Variants in GTF2F2 observed in about 807,000 individuals in gnomAD.
The protein encoded by GTF2F2 is ATP-dependent helicase GTF2F2.
GTF2F2 carries 23 observed loss-of-function variants against 42.2 expected under a neutral mutation model. That is an observed-to-expected ratio of 0.55 (90% CI 0.39 to 0.77). GTF2F2 has a LOEUF of 0.77. Among genes scored for constraint, GTF2F2 ranks in the 30% least tolerant of loss-of-function variants. The probability of loss-of-function intolerance (pLI) is 0.00; values close to 1 mark genes in which losing one functional copy is unlikely to be tolerated. For synonymous variants in GTF2F2, 105 were observed against 100.8 expected (o/e 1.04, Z -0.25); for missense variants, 261 against 287.2 (o/e 0.91, Z 0.66).
At chr13:45,184,411 CA>C (rs1872319782) in intron 4 of GTF2F2, among the ~76,000 whole-genome samples, 1 of 144,568 alleles carries the variant, frequency 6.9e-6, no homozygotes, top group Admixed American at 6.7e-5. Context: ...TTTTTTGAGA[CA>C]GGGTCTTGCT....
intron 6 of GTF2F2, among the ~76,000 whole-genome samples, chr13:45,261,193 G>A (rs961115247): frequency 1.3e-5 from 2 of 152,116 alleles, no homozygotes; most frequent in African/African-American, 2.4e-5. Context: ...TTGGGAAGCC[G>A]CAGTGGGCGG....
chr13:45,203,534 A>T (rs995101392), intron 4 of GTF2F2, among the ~76,000 whole-genome samples: 1 of 152,124 alleles, frequency 6.6e-6, no homozygotes, highest in African/African-American at 2.4e-5. Flanking sequence ...ATTTGACAGT[A>T]TTGTGTTACA....
intron 5 of GTF2F2, among the ~76,000 whole-genome samples, chr13:45,213,285 T>A (rs1873768067): frequency 6.6e-6 from 1 of 152,084 alleles, no homozygotes; most frequent in Admixed American, 6.5e-5. Context: ...TTCACTGTGT[T>A]AGCCAGGATG....
At chr13:45,147,028 C>T (rs1019484044) in intron 2 of GTF2F2, among the ~76,000 whole-genome samples, 1 of 152,122 alleles carries the variant, frequency 6.6e-6, no homozygotes, top group African/African-American at 2.4e-5. Flanking sequence ...AGTATTAACT[C>T]ATCTAGAGCT....
At chr13:45,235,151 A>G (rs1412609542) in intron 5 of GTF2F2, among the ~76,000 whole-genome samples, 2 of 151,708 alleles carry the variant, frequency 1.3e-5, no homozygotes, top group African/African-American at 4.8e-5. Context: ...TACAGTAGTA[A>G]TTATTGTCAA....
chr13:45,128,495 C>T (rs1168468619), intron 1 of GTF2F2, among the ~76,000 whole-genome samples: 2 of 151,124 alleles, frequency 1.3e-5, no homozygotes, highest in Non-Finnish European at 2.9e-5. Flanking sequence ...ATCACTTGCA[C>T]CTGGGGGGCG....
At chr13:45,147,979 G>C (rs540410881) in intron 2 of GTF2F2, among the ~76,000 whole-genome samples, 1 of 152,106 alleles carries the variant, frequency 6.6e-6, no homozygotes, top group Admixed American at 6.5e-5. Flanking sequence ...TGTTTTATTT[G>C]TAGTTGTTTA....
intron 4 of GTF2F2, among the ~76,000 whole-genome samples, chr13:45,171,710 A>G (rs1871607280): frequency 2.6e-5 from 4 of 152,220 alleles, no homozygotes; most frequent in South Asian, 4.2e-4. Context: ...ACAGGTTTAG[A>G]TTTTCATCAT....
intron 5 of GTF2F2, among the ~76,000 whole-genome samples, chr13:45,230,219 A>G (rs756083671): frequency 9.2e-5 from 14 of 151,578 alleles, no homozygotes; most frequent in Non-Finnish European, 1.8e-4. Context: ...CCATCTCAAA[A>G]TAAAAAAAAA....
chr13:45,207,433 C>T lies in GTF2F2; in HGVS notation c.314C>T (p.Ser105Leu), dbSNP rs1021392950. The T allele has an allele frequency of 2.5e-6, 4 of 1,596,242 alleles. No individual in the cohort carries two copies. The highest frequency in any genetic ancestry group is 3.3e-4 in the Middle Eastern group (2 of 6,044). ...VFTESSSDKL[S>L]LEGIVVQRAE... The stretch of plus-strand genomic sequence containing the variant: ...TTTTTTTCCATTCAAGATAAGCTGT[C>T]ATTGGAAGGAATAGTGGTACAAAGA... The change falls in exon 5 of 8, where the codon TCA (serine) becomes TTA (leucine). Residue 105 changes from serine (S) to leucine (L), a missense_variant. Transcript: ENST00000340473.
chr13:45,201,567 A>G (rs1245803324), intron 4 of GTF2F2, among the ~76,000 whole-genome samples: 1 of 152,236 alleles, frequency 6.6e-6, no homozygotes, highest in Non-Finnish European at 1.5e-5. Flanking sequence ...AATCTTAACT[A>G]GAAGCCTTCA....
intron 2 of GTF2F2, among the ~76,000 whole-genome samples, chr13:45,141,523 G>A (rs1869924697): frequency 6.6e-6 from 1 of 152,138 alleles, no homozygotes; most frequent in South Asian, 2.1e-4. Flanking sequence ...GTTGTCCTAA[G>A]TGTTAGCAGA....
At chr13:45,252,243 A>G (rs966331473) in intron 5 of GTF2F2, among the ~76,000 whole-genome samples, 1 of 152,168 alleles carries the variant, frequency 6.6e-6, no homozygotes, top group Non-Finnish European at 1.5e-5. Flanking sequence ...CCCAGGCTCA[A>G]GTGATCCTAC....
At chr13:45,240,304 A>G (rs573463666) in intron 5 of GTF2F2, among the ~76,000 whole-genome samples, 3 of 152,098 alleles carry the variant, frequency 2.0e-5, no homozygotes, top group Admixed American at 2.0e-4. Context: ...CACTTGTGTC[A>G]TGACTTTGCT....
intron 5 of GTF2F2, among the ~76,000 whole-genome samples, chr13:45,234,098 G>C (rs1164315716): frequency 6.6e-6 from 1 of 152,152 alleles, no homozygotes; most frequent in African/African-American, 2.4e-5. Flanking sequence ...AAATAAAACA[G>C]ATTTTGTCCA....
At chr13:45,190,391 T>C (rs1486485248) in intron 4 of GTF2F2, among the ~76,000 whole-genome samples, 1 of 152,222 alleles carries the variant, frequency 6.6e-6, no homozygotes, top group East Asian at 1.9e-4. Flanking sequence ...AACACCTACC[T>C]TGTGAATGCC....
intron 4 of GTF2F2, among the ~76,000 whole-genome samples, chr13:45,157,358 T>C (rs1435012904): frequency 2.0e-5 from 3 of 152,130 alleles, no homozygotes; most frequent in Non-Finnish European, 4.4e-5. Context: ...AAAAAGTATT[T>C]TGGATTTTAC....
chr13:45,276,490 G>C (rs980632942), intron 7 of GTF2F2, among the ~76,000 whole-genome samples: 1 of 150,776 alleles, frequency 6.6e-6, no homozygotes, highest in African/African-American at 2.5e-5. Context: ...ATCCTGGGGT[G>C]CAATGGCATG....
At chr13:45,146,646 A>G (rs570971215) in intron 2 of GTF2F2, among the ~76,000 whole-genome samples, 1 of 152,360 alleles carries the variant, frequency 6.6e-6, no homozygotes, top group East Asian at 1.9e-4. Flanking sequence ...AAAGTGTAAG[A>G]AAAAGGAAAG....
Sources: allele counts gnomAD v4.1 joint callset (sites outside exome capture counted in the v4.1 genomes callset), GRCh38; gene constraint gnomAD v4.1.1; transcripts MANE v1.5; gene names NCBI Gene and HGNC (gene_info 2026-07-23, HGNC 2026-07-21).